Variants in DHTKD1 observed in about 807,000 individuals in gnomAD.
DHTKD1 encodes 2-oxoadipate dehydrogenase complex component E1.
Under a neutral mutation model 101.8 loss-of-function variants are expected in DHTKD1, and 78 were observed. That is an observed-to-expected ratio of 0.77 (90% CI 0.64 to 0.93). DHTKD1 has a LOEUF of 0.93. DHTKD1 is among the 40% of genes least tolerant of loss of function. The pLI, the probability that DHTKD1 is intolerant of heterozygous loss-of-function variation, is 0.00. For missense variants in DHTKD1, 1,223 were observed against 1,161.7 expected (o/e 1.05, Z -0.77); for synonymous variants, 462 against 450.3 (o/e 1.03, Z -0.33).
rs761017285 is a variant in DHTKD1 at position 12,121,604 on chromosome 10, A to G, written c.*716A>G. The G allele has an allele frequency of 6.6e-6, 1 of 152,302 alleles. No individual in the cohort carries two copies. The highest frequency in any genetic ancestry group is 1.5e-5 in the Non-Finnish European group (1 of 68,142). 9.4% of individuals were successfully genotyped at this position (152,302 alleles called of 1,614,324 possible). A position where few individuals can be genotyped will look rare whatever the true frequency, so the allele number is the denominator to read the frequency against. On this transcript the variant is annotated 3_prime_UTR_variant, in exon 17 of 17. Transcript: ENST00000263035. ...GTGAAACGCCGTTTCTACTAAAAAT[A>G]TGAAAATTAGTTGGGTGTGGTGGCA...
intron 1 of DHTKD1, 97 bp downstream of exon 1, chr10:12,069,284 GCCGGCC>G: frequency 9.9e-7 from 1 of 1,005,512 alleles, no homozygotes; most frequent in Non-Finnish European, 1.3e-6. Context: ...GGAACCGGCT[GCCGGCC>G]TGAACGCGCG....
intron 1 of DHTKD1, among the ~76,000 whole-genome samples, chr10:12,080,615 G>A (rs1832801056): frequency 6.6e-6 from 1 of 151,640 alleles, no homozygotes; most frequent in South Asian, 2.1e-4. Flanking sequence ...GGAGGTTGAG[G>A]CAGGAGAATG....
rs187959202 is a variant in DHTKD1, at chr10:12,081,116, T to G, written c.155-356T>G. On this transcript the variant is annotated intron_variant, in intron 1 of 16. Coordinates refer to ENST00000263035, the MANE Select transcript of DHTKD1 (RefSeq NM_018706.7). ...GAGATTGAGGCCATCCTGCCTAACATGGTGAAACCCCGTCTCTACTAAAAA... is the reference window on the plus strand; with the variant it reads ...GAGATTGAGGCCATCCTGCCTAACAGGGTGAAACCCCGTCTCTACTAAAAA... 5.9e-4 allele frequency among the ~76,000 whole-genome samples: 89 copies of G among 151,794 alleles called. No homozygotes were observed. In the East Asian group the frequency reaches 0.012, roughly 21 times the overall value.
At chr10:12,086,338 A>T (rs1832898016) in intron 3 of DHTKD1, among the ~76,000 whole-genome samples, 1 of 143,540 alleles carries the variant, frequency 7.0e-6, no homozygotes, top group African/African-American at 2.6e-5. Context: ...CTCCTGCCTC[A>T]GCCTCCCAAG....
rs1167182786 is a variant in DHTKD1, at chr10:12,097,901, G to C, written c.1576G>C (p.Val526Leu). 1.9e-6 allele frequency: 3 copies of C among 1,614,198 alleles called. No homozygotes were observed. The highest frequency in any genetic ancestry group is 2.5e-6 in the Non-Finnish European group (3 of 1,180,036). The change falls in exon 8 of 17, where the codon GTG becomes CTG. Residue 526 changes from valine to leucine, a missense_variant. Transcript: ENST00000263035. Reference sequence around the variant, plus strand: ...GCAAATCACCACCTGGAGTACAGGTGTGCCCCTCGACCTCCTGCGGTTTGT... The same window carrying C: ...GCAAATCACCACCTGGAGTACAGGTCTGCCCCTCGACCTCCTGCGGTTTGT... ...EAQITTWSTG[V>L]PLDLLRFVGM... is the part of the protein sequence containing the mutation.
At chr10:12,072,203 A>T (rs1401652898) in intron 1 of DHTKD1, among the ~76,000 whole-genome samples, 1 of 152,200 alleles carries the variant, frequency 6.6e-6, no homozygotes, top group Non-Finnish European at 1.5e-5. Flanking sequence ...GTGGTGGCTC[A>T]TGCCTGTAAT....
At chr10:12,105,735 CCT>C (rs1480087371) in intron 10 of DHTKD1, among the ~76,000 whole-genome samples, 1 of 152,118 alleles carries the variant, frequency 6.6e-6, no homozygotes, top group Non-Finnish European at 1.5e-5. Context: ...TTTATCTTTT[CCT>C]CTCTTTGTCC....
chr10:12,076,526 A>G (rs891946648), intron 1 of DHTKD1, among the ~76,000 whole-genome samples: 4 of 151,998 alleles, frequency 2.6e-5, no homozygotes, highest in Non-Finnish European at 4.4e-5. Context: ...CTGTGAGAAT[A>G]CAGTAAGCAA....
Position 12,089,244 on chromosome 10 carries a change from A to C in DHTKD1, c.976A>C (p.Ile326Leu). 1 of 1,613,892 alleles carries C rather than the reference A, an allele frequency of 6.2e-7. No individual in the cohort carries two copies. Among genetic ancestry groups the C allele is most frequent in the Non-Finnish European group, 8.5e-7 (1 of 1,179,964 alleles). ...CTCAGCCCAGCCGGGGGACAGGGTCATTTGCTTACAGGTACTTGGAGCTTC... is the reference window on the plus strand; with the variant it reads ...CTCAGCCCAGCCGGGGGACAGGGTCCTTTGCTTACAGGTACTTGGAGCTTC... ...DNSAQPGDRV[I>L]CLQVHGDASF... The change falls in exon 5 of 17, where the codon ATT (isoleucine) becomes CTT (leucine). Residue 326 changes from isoleucine (I) to leucine (L), a missense_variant. Ile to Leu is a conservative substitution (Grantham distance 5, BLOSUM62 2). Coordinates refer to ENST00000263035, the MANE Select transcript of DHTKD1 (RefSeq NM_018706.7).
chr10:12,118,900 A>T lies in DHTKD1; in HGVS notation c.2554A>T (p.Lys852Ter). 1 of 1,581,488 alleles carries T rather than the reference A, an allele frequency of 6.3e-7. No homozygotes were observed. The highest frequency in any genetic ancestry group is 8.6e-7 in the Non-Finnish European group (1 of 1,165,040). ...PLDSLQQEMS[K>*]YKHVKDHIWS... ...GGATTCTTTACAGCAAGAGATGAGC[A>T]AATACAAACATGTTAAAGGTAAGAG... Residue 852 changes from lysine (K) to a stop codon, truncating the protein, a stop_gained, in exon 15 of 17, where the codon AAA becomes TAA. Coordinates refer to ENST00000263035, the MANE Select transcript of DHTKD1 (RefSeq NM_018706.7). LOFTEE classifies it high-confidence loss of function.
chr10:12,078,689 TC>T (rs1832770093), intron 1 of DHTKD1, among the ~76,000 whole-genome samples: 1 of 152,134 alleles, frequency 6.6e-6, no homozygotes, highest in Non-Finnish European at 1.5e-5. Flanking sequence ...TTTTCTTTTT[TC>T]TTTTTTTGAG....
Position 12,110,442 on chromosome 10 carries a change from C to T in DHTKD1, c.2154+2427C>T, listed in dbSNP as rs1833313627. Among the ~76,000 whole-genome samples the T allele has an allele frequency of 6.6e-6, 1 of 151,946 alleles. No individual in the cohort carries two copies. The highest frequency in any genetic ancestry group is 1.5e-5 in the Non-Finnish European group (1 of 68,010). ...CAATTCTTCTTCTTCCGGTGTGGCT[C>T]AGGTAAGCCAAAAGATCGGACACCC... On this transcript the variant is annotated intron_variant, in intron 12 of 16. Transcript: ENST00000263035. The surrounding 1 kb of genome is among the most constrained non-coding windows in gnomAD (Gnocchi z 4.9).
At chr10:12,083,747 C>T (rs957342017) in intron 2 of DHTKD1, among the ~76,000 whole-genome samples, 2 of 152,030 alleles carry the variant, frequency 1.3e-5, no homozygotes, top group African/African-American at 2.4e-5. Context: ...CACACACATA[C>T]AAAAGAAATT....
Position 12,089,160 on chromosome 10 carries a change from G to A in DHTKD1, c.892G>A (p.Val298Met), listed in dbSNP as rs756540722. ...CCTGGAGGCCGTCAACCCCGTGGCC[G>A]TGGGCAAAACTCGCGGCAGGCAGCA... Reference protein sequence around the residue: ...SHLEAVNPVAVGKTRGRQQSR... With the variant: ...SHLEAVNPVAMGKTRGRQQSR... The change falls in exon 5 of 17, where the codon GTG becomes ATG. Residue 298 changes from valine to methionine, a missense_variant. Physicochemically the swap from Val to Met is conservative, Grantham distance 21. Coordinates refer to ENST00000263035, the MANE Select transcript of DHTKD1 (RefSeq NM_018706.7). 49 of 1,613,994 alleles carry A rather than the reference G, an allele frequency of 3.0e-5. No individual in the cohort carries two copies. Among genetic ancestry groups the A allele is most frequent in the Admixed American group, 5.0e-5 (3 of 59,978 alleles).
chr10:12,081,152 T>A (rs1465893734), intron 1 of DHTKD1, among the ~76,000 whole-genome samples: 3 of 151,530 alleles, frequency 2.0e-5, no homozygotes, highest in Non-Finnish European at 2.9e-5. Flanking sequence ...TACAAAAAAA[T>A]TAGCCAGGCT....
Position 12,107,996 on chromosome 10 carries a change from G to C in DHTKD1, c.2135G>C (p.Arg712Pro). 6.2e-6 allele frequency: 10 copies of C among 1,613,592 alleles called. No individual in the cohort carries two copies. Among genetic ancestry groups the C allele is most frequent in the Non-Finnish European group, 8.5e-6 (10 of 1,179,616 alleles). Residue 712 changes from arginine (R) to proline (P), a missense_variant, in exon 12 of 17, where the codon CGA becomes CCA. Physicochemically the swap from Arg to Pro is moderately radical, Grantham distance 103 (BLOSUM62 -2). Coordinates refer to ENST00000263035, the MANE Select transcript of DHTKD1 (RefSeq NM_018706.7). The surrounding 1 kb of genome is among the most constrained non-coding windows in gnomAD (Gnocchi z 4.1). ...GCTGGGCCAGACCACTCATCCTGTC[G>C]AATAGAGCGTTTCCTGCAGGTAAGG... ...DGAGPDHSSCRIERFLQMCDS... is the reference protein window; with the variant it reads ...DGAGPDHSSCPIERFLQMCDS...
intron 1 of DHTKD1, among the ~76,000 whole-genome samples, chr10:12,073,942 A>G (rs1832686748): frequency 6.6e-6 from 1 of 152,184 alleles, no homozygotes; most frequent in Non-Finnish European, 1.5e-5. Context: ...AGCCAGAAGC[A>G]TGCCTCTGAT....
chr10:12,078,944 G>C (rs753476372), intron 1 of DHTKD1, among the ~76,000 whole-genome samples: 2 of 152,150 alleles, frequency 1.3e-5, no homozygotes, highest in Non-Finnish European at 2.9e-5. Flanking sequence ...TTTCAATATG[G>C]CTGCTGGTTT....
chr10:12,088,000 C>T lies in DHTKD1; in HGVS notation c.717+271C>T, dbSNP rs1396687495. Among the ~76,000 whole-genome samples the T allele has an allele frequency of 6.6e-6, 1 of 152,182 alleles. No homozygotes were observed. The highest frequency in any genetic ancestry group is 1.5e-5 in the Non-Finnish European group (1 of 68,038). Reference sequence around the variant, plus strand: ...TGGTGGCACGCACCCGTGTTCCCAGCTACTCAGGAGACTGAGGCCAGAGGA... The same window carrying T: ...TGGTGGCACGCACCCGTGTTCCCAGTTACTCAGGAGACTGAGGCCAGAGGA... On this transcript the variant is annotated intron_variant, in intron 4 of 16. Transcript: ENST00000263035. The surrounding 1 kb of genome is among the most constrained non-coding windows in gnomAD (Gnocchi z 5.2).
Sources: allele counts gnomAD v4.1 joint callset (sites outside exome capture counted in the v4.1 genomes callset), GRCh38; gene constraint gnomAD v4.1.1; non-coding constraint Gnocchi (gnomAD v3.1); transcripts MANE v1.5; gene names NCBI Gene and HGNC (gene_info 2026-07-23, HGNC 2026-07-21).